IRAG1: variants seen among roughly 807,000 people sequenced by gnomAD.
The protein encoded by IRAG1 is inositol 1,4,5-triphosphate receptor associated 1, also known as IP3R-associated cGMP kinase substrate.
A neutral mutation model predicts 106.2 loss-of-function variants in IRAG1; 62 were observed. That is an observed-to-expected ratio of 0.58 (90% CI 0.48 to 0.72). The LOEUF is 0.72. IRAG1 is among the 30% of genes least tolerant of loss of function. The pLI is 0.00. For synonymous variants in IRAG1, 462 were observed against 443.9 expected, an observed-to-expected ratio of 1.04 and a Z score of -0.51; for missense variants, 1,064 against 1,140.7, an observed-to-expected ratio of 0.93 and a Z score of 0.97.
In IRAG1 at chr11:10,671,626, C is replaced by T. The variant is rs189270419; in HGVS notation, c.68-19444G>A. 4.9e-3 allele frequency among the ~76,000 whole-genome samples: 753 copies of T among 152,128 alleles called. 9 individuals carry two copies. Among genetic ancestry groups the T allele is most frequent in the Non-Finnish European group, 4.3e-3 (294 of 67,992 alleles). ...ACTCAGGAGGCTGAGGCATGAGAAT[C>T]GCTTGAACCCAGGAGGTGGAGGTTT... On this transcript the variant is annotated intron_variant, in intron 1 of 20. Transcript: ENST00000423302.
chr11:10,679,271 T>C (rs1404285033), intron 1 of IRAG1, among the ~76,000 whole-genome samples: 1 of 152,210 alleles, frequency 6.6e-6, no homozygotes, highest in African/African-American at 2.4e-5. Context: ...ATTCGCAATG[T>C]TGTGCACCTA....
At chr11:10,582,624 A>C (rs988699392) in intron 18 of IRAG1, among the ~76,000 whole-genome samples, 1 of 152,226 alleles carries the variant, frequency 6.6e-6, no homozygotes, top group Non-Finnish European at 1.5e-5. Flanking sequence ...CTGAAGTTGA[A>C]GCACAGGCCT....
chr11:10,580,354 C>T (rs966557779), intron 20 of IRAG1, 101 bp downstream of exon 20: 2 of 1,525,536 alleles, frequency 1.3e-6, no homozygotes, highest in Non-Finnish European at 1.8e-6. Flanking sequence ...AGATTCACTG[C>T]TGCCCTGGAC....
At chr11:10,591,272 T>G (rs1440694853) in intron 18 of IRAG1, among the ~76,000 whole-genome samples, 1 of 152,184 alleles carries the variant, frequency 6.6e-6, no homozygotes. Flanking sequence ...TTATTTTGTC[T>G]GTAGCCCAAG....
intron 10 of IRAG1, among the ~76,000 whole-genome samples, chr11:10,622,293 A>C (rs1855892174): frequency 6.6e-6 from 1 of 152,040 alleles, no homozygotes; most frequent in South Asian, 2.1e-4. Context: ...CAGGAGGGAG[A>C]TGCCGCGGGG....
chr11:10,691,710 TG>T (rs201126415), intron 1 of IRAG1, among the ~76,000 whole-genome samples: 7 of 68,788 alleles, frequency 1.0e-4, no homozygotes, highest in Admixed American at 7.7e-4. Context: ...TGGCATTCTG[TG>T]AGGGGGCATG....
chr11:10,613,373 C>T (rs972079425), intron 10 of IRAG1, among the ~76,000 whole-genome samples: 2 of 151,940 alleles, frequency 1.3e-5, no homozygotes, highest in African/African-American at 4.8e-5. Context: ...GGAGCAACAT[C>T]TACGCAGTTC....
chr11:10,625,004 G>A (rs10500730), intron 9 of IRAG1, among the ~76,000 whole-genome samples: 10,930 of 152,214 alleles, frequency 0.072, 1,006 homozygotes, highest in African/African-American at 0.22. Context: ...CTGACTAGGA[G>A]GAGTTTTGTG....
At chr11:10,675,062 C>A (rs910380544) in intron 1 of IRAG1, among the ~76,000 whole-genome samples, 1 of 152,354 alleles carries the variant, frequency 6.6e-6, no homozygotes, top group East Asian at 1.9e-4. Context: ...AGATTCTGGG[C>A]AGGCTGCACC....
At chr11:10,615,935 TA>T (rs902809445) in intron 10 of IRAG1, among the ~76,000 whole-genome samples, 2 of 88,262 alleles carry the variant, frequency 2.3e-5, no homozygotes, top group African/African-American at 3.0e-5. Flanking sequence ...AGTATAATAA[TA>T]AAAAAAAGTA....
intron 1 of IRAG1, among the ~76,000 whole-genome samples, chr11:10,660,062 A>T (rs1194573225): frequency 6.6e-6 from 1 of 152,152 alleles, no homozygotes; most frequent in African/African-American, 2.4e-5. Context: ...GCCTCCCCAC[A>T]TGGGTGACTT....
At position 10,593,659 on chromosome 11, in the gene IRAG1, A is replaced by G. The variant is rs1305615415; in HGVS notation, c.2068-60T>C. The G allele has an allele frequency of 6.8e-6, 9 of 1,316,348 alleles. No individual in the cohort carries two copies. The African/African-American group carries it at 1.2e-4, about 17-fold the overall frequency. 81.5% of individuals were successfully genotyped at this position (1,316,348 alleles called of 1,614,324 possible). On this transcript the variant is annotated intron_variant, in intron 16 of 20. Coordinates refer to ENST00000423302, the MANE Select transcript of IRAG1 (RefSeq NM_130385.4). ...GGAGGTAGCAATAGCCATAGTTCAG[A>G]AGGGCTGGGAAAAAGCCTCCTCATT...
chr11:10,630,861 C>T (rs1338881748), intron 4 of IRAG1, among the ~76,000 whole-genome samples: 1 of 152,204 alleles, frequency 6.6e-6, no homozygotes, highest in South Asian at 2.1e-4. Context: ...TAGCTAACCC[C>T]CCTCCCCTGT....
At chr11:10,594,700 C>A (rs1853078277) in intron 15 of IRAG1, among the ~76,000 whole-genome samples, 2 of 152,188 alleles carry the variant, frequency 1.3e-5, no homozygotes, top group Non-Finnish European at 1.5e-5. Flanking sequence ...CTTCTCCTTA[C>A]TACATACATT....
intron 10 of IRAG1, among the ~76,000 whole-genome samples, chr11:10,615,336 A>C (rs1287812743): frequency 1.3e-5 from 2 of 152,230 alleles, no homozygotes; most frequent in African/African-American, 4.8e-5. Flanking sequence ...TGTTGGTGGG[A>C]CTATGAACTG....
chr11:10,678,638 C>A (rs1198981283), intron 1 of IRAG1, among the ~76,000 whole-genome samples: 1 of 152,154 alleles, frequency 6.6e-6, no homozygotes, highest in Admixed American at 6.5e-5. Context: ...CCTCTCTTTT[C>A]AAAGTCTTTG....
intron 16 of IRAG1, 64 bp from the exon 17 acceptor site, chr11:10,593,663 G>T: frequency 7.7e-7 from 1 of 1,300,156 alleles, no homozygotes; most frequent in Non-Finnish European, 1.1e-6. Flanking sequence ...GTTCAGAAGG[G>T]CTGGGAAAAA....
intron 10 of IRAG1, among the ~76,000 whole-genome samples, chr11:10,614,213 A>G (rs1855210711): frequency 6.6e-6 from 1 of 151,950 alleles, no homozygotes; most frequent in Non-Finnish European, 1.5e-5. Context: ...GCTCTGTATG[A>G]TGTGCCACAC....
intron 17 of IRAG1, among the ~76,000 whole-genome samples, chr11:10,591,840 T>C (rs1030363508): frequency 6.6e-6 from 1 of 152,196 alleles, no homozygotes; most frequent in African/African-American, 2.4e-5. Context: ...CCTTCACCTC[T>C]GCTAAGTTTC....
Sources: allele counts gnomAD v4.1 joint callset (sites outside exome capture counted in the v4.1 genomes callset), GRCh38; gene constraint gnomAD v4.1.1; transcripts MANE v1.5; gene names NCBI Gene and HGNC (gene_info 2026-07-23, HGNC 2026-07-21).